The following ANKRD26 variants were observed in gnomAD, a reference collection of about 807,000 sequenced individuals.
ANKRD26 encodes ankyrin repeat domain 26.
In ANKRD26, 141 loss-of-function variants were observed where a neutral mutation model predicts 208.7. The observed-to-expected ratio is 0.68, with a 90% CI of 0.59 to 0.78. The LOEUF is 0.78. Ranked by LOEUF, ANKRD26 falls within the 30% of genes least tolerant of loss-of-function variation. The pLI, the probability that ANKRD26 is intolerant of heterozygous loss-of-function variation, is 0.00. For synonymous variants in ANKRD26, 636 were observed against 660.4 expected (o/e 0.96, Z 0.57); for missense variants, 1,889 against 1,938.7 (o/e 0.97, Z 0.48).
At chr10:27,003,930 G>A (rs936007632), downstream of ANKRD26, among the ~76,000 whole-genome samples, 3 of 152,100 alleles carry the variant, frequency 2.0e-5, no homozygotes, top group African/African-American at 7.2e-5. Context: ...AATTTTCCTC[G>A]GCTATCAAGG....
At chr10:26,962,747 C>G in the ANKRD26 span, among the ~76,000 whole-genome samples, 1 of 151,778 alleles carries the variant, frequency 6.6e-6, no homozygotes, top group Non-Finnish European at 1.5e-5. Context: ...AATCCTGTCT[C>G]TAAAAAAACA....
intron 9 of ANKRD26, among the ~76,000 whole-genome samples, chr10:27,068,537 G>A (rs1374106500): frequency 6.6e-6 from 1 of 152,166 alleles, no homozygotes; most frequent in African/African-American, 2.4e-5. Flanking sequence ...GAAACAACAC[G>A]ACAAATGAGG....
chr10:26,965,310 C>G, the ANKRD26 span, among the ~76,000 whole-genome samples: 1 of 151,996 alleles, frequency 6.6e-6, no homozygotes, highest in Non-Finnish European at 1.5e-5. Flanking sequence ...CAGAACAGAG[C>G]CCTCAGAAAT....
chr10:26,977,371 C>T (rs1363829969), intron 5 of ANKRD26, among the ~76,000 whole-genome samples: 1 of 152,196 alleles, frequency 6.6e-6, no homozygotes, highest in Non-Finnish European at 1.5e-5. Flanking sequence ...TTATAACTTT[C>T]ATCTATTTGA....
chr10:26,997,308 C>T (rs1048615893), intron 4 of ANKRD26, among the ~76,000 whole-genome samples: 1 of 152,136 alleles, frequency 6.6e-6, no homozygotes, highest in Non-Finnish European at 1.5e-5. Flanking sequence ...GATTTCTAAA[C>T]AAGGTGGGAT....
chr10:26,974,562 G>A (rs770959445), exon 6 of ANKRD26, among the ~76,000 whole-genome samples: 1 of 152,058 alleles, frequency 6.6e-6, no homozygotes, highest in East Asian at 1.9e-4. Context: ...GGATGGTCTT[G>A]ATCTTCTGAC....
chr10:27,082,037 T>C (rs899032561), intron 6 of ANKRD26, among the ~76,000 whole-genome samples: 2 of 126,002 alleles, frequency 1.6e-5, no homozygotes, highest in African/African-American at 6.1e-5. Flanking sequence ...CGCCCAGCCC[T>C]ATGCAGTTAT....
At chr10:27,001,439 G>A (rs2052723347), downstream of ANKRD26, among the ~76,000 whole-genome samples, 1 of 152,182 alleles carries the variant, frequency 6.6e-6, no homozygotes, top group African/African-American at 2.4e-5. Flanking sequence ...AGGGTCCTGG[G>A]CGGGTCTTCC....
At chr10:27,077,232 T>A in intron 9 of ANKRD26, 106 bp downstream of exon 9, 2 of 1,007,698 alleles carry the variant, frequency 2.0e-6, no homozygotes, top group Non-Finnish European at 3.1e-6. Context: ...CACATAAACA[T>A]AATTAGAAAC....
chr10:27,099,551 A>C (rs1459705289), intron 1 of ANKRD26, among the ~76,000 whole-genome samples: 1 of 120,170 alleles, frequency 8.3e-6, no homozygotes, highest in African/African-American at 3.1e-5. Context: ...AGTAGCTGAG[A>C]CTATTAGAGT....
intron 20 of ANKRD26, among the ~76,000 whole-genome samples, chr10:27,043,080 A>G (rs1304131181): frequency 6.6e-6 from 1 of 151,876 alleles, no homozygotes; most frequent in East Asian, 1.9e-4. Flanking sequence ...CCATAATTAA[A>G]CAGATAAATT....
chr10:26,952,164 G>A, the ANKRD26 span, among the ~76,000 whole-genome samples: 9 of 152,136 alleles, frequency 5.9e-5, no homozygotes, highest in Middle Eastern at 3.4e-3. Flanking sequence ...TGCTTGTCCC[G>A]TCCCATGGAA....
chr10:27,060,256 T>C (rs945926619), intron 15 of ANKRD26, 89 bp downstream of exon 15: 11 of 1,249,348 alleles, frequency 8.8e-6, no homozygotes, highest in Admixed American at 2.0e-5. Context: ...AAAAAAAGAA[T>C]TAGGAATAAG....
At chr10:26,986,111 C>G (rs941853156) in intron 3 of ANKRD26, among the ~76,000 whole-genome samples, 1 of 152,094 alleles carries the variant, frequency 6.6e-6, no homozygotes, top group Non-Finnish European at 1.5e-5. Flanking sequence ...ACAGAGCCCT[C>G]AGAAATAATG....
At chr10:27,010,910 C>T (rs774768024) in intron 32 of ANKRD26, among the ~76,000 whole-genome samples, 14 of 152,018 alleles carry the variant, frequency 9.2e-5, no homozygotes, top group Non-Finnish European at 1.9e-4. Flanking sequence ...AAAAATAAGA[C>T]AAAACTAAGC....
At chr10:26,990,237 G>T (rs745824374), downstream of ANKRD26, among the ~76,000 whole-genome samples, 1 of 152,158 alleles carries the variant, frequency 6.6e-6, no homozygotes, top group African/African-American at 2.4e-5. Flanking sequence ...CAATTCACTA[G>T]AAGTATTTTG....
chr10:27,052,967 T>C (rs566197958), intron 16 of ANKRD26, among the ~76,000 whole-genome samples: 3 of 152,316 alleles, frequency 2.0e-5, no homozygotes, highest in South Asian at 4.1e-4. Context: ...TGTTAAAATG[T>C]TCATAATTTC....
intron 12 of ANKRD26, among the ~76,000 whole-genome samples, chr10:27,062,925 G>T (rs1292708214): frequency 1.3e-5 from 2 of 151,916 alleles, no homozygotes; most frequent in Admixed American, 6.6e-5. Context: ...ATGCCACCAT[G>T]CCTGGCTAAT....
intron 9 of ANKRD26, among the ~76,000 whole-genome samples, chr10:27,076,669 T>C (rs978776165): frequency 1.3e-5 from 2 of 152,014 alleles, no homozygotes; most frequent in Non-Finnish European, 2.9e-5. Context: ...GGAGACAGTA[T>C]AACTGATACC....
Sources: allele counts gnomAD v4.1 joint callset (sites outside exome capture counted in the v4.1 genomes callset), GRCh38; gene constraint gnomAD v4.1.1; transcripts MANE v1.5; gene names NCBI Gene and HGNC (gene_info 2026-07-23, HGNC 2026-07-21).